ARHGAP24: variants seen among roughly 807,000 people sequenced by gnomAD.
ARHGAP24 encodes the protein Rho GTPase activating protein 24.
ARHGAP24 carries 50 observed loss-of-function variants against 76.4 expected under a neutral mutation model. The ratio of observed to expected loss-of-function variants is 0.65; its 90% CI spans 0.52 to 0.83. The LOEUF (loss-of-function observed/expected upper bound fraction) is 0.83, where lower values mean the gene tolerates loss of function less well. ARHGAP24 is among the 40% of genes least tolerant of loss of function. The pLI is 0.00. For synonymous variants in ARHGAP24, 345 were observed against 323.3 expected, an observed-to-expected ratio of 1.07 and a Z score of -0.72; for missense variants, 930 against 914.2, an observed-to-expected ratio of 1.02 and a Z score of -0.22.
chr4:85,661,695 G>A (rs562430083), intron 2 of ARHGAP24, among the ~76,000 whole-genome samples: 1 of 151,204 alleles, frequency 6.6e-6, no homozygotes, highest in Admixed American at 6.6e-5. Context: ...AGTCCCCAGA[G>A]TGTGATGTTC....
At chr4:85,980,772 G>T (rs13116843) in intron 8 of ARHGAP24, among the ~76,000 whole-genome samples, 31,828 of 152,038 alleles carry the variant, frequency 0.21, 3,596 homozygotes, top group South Asian at 0.39. Flanking sequence ...CATTCAGGAG[G>T]TCCATGGCCT....
At chr4:85,854,542 C>T (rs1380080509) in intron 3 of ARHGAP24, among the ~76,000 whole-genome samples, 2 of 152,170 alleles carry the variant, frequency 1.3e-5, no homozygotes, top group Non-Finnish European at 2.9e-5. Flanking sequence ...ACATTATCTC[C>T]AAATCTCAAA....
chr4:85,966,543 A>C (rs1361915457), intron 5 of ARHGAP24, among the ~76,000 whole-genome samples: 1 of 152,150 alleles, frequency 6.6e-6, no homozygotes, highest in East Asian at 1.9e-4. Context: ...CAGATACATA[A>C]AAAAATAAGT....
intron 2 of ARHGAP24, among the ~76,000 whole-genome samples, chr4:85,591,341 C>T (rs1340829853): frequency 6.6e-6 from 1 of 152,128 alleles, no homozygotes; most frequent in Non-Finnish European, 1.5e-5. Flanking sequence ...CCACCATGCC[C>T]GACTAGATCT....
intron 4 of ARHGAP24, among the ~76,000 whole-genome samples, chr4:85,940,588 T>A (rs1197934438): frequency 1.3e-5 from 2 of 152,030 alleles, no homozygotes; most frequent in Non-Finnish European, 2.9e-5. Context: ...GGGGTGTGAG[T>A]GTCTGTTGGA....
At chr4:85,619,866 T>C (rs901073701) in intron 2 of ARHGAP24, among the ~76,000 whole-genome samples, 1 of 151,990 alleles carries the variant, frequency 6.6e-6, no homozygotes, top group African/African-American at 2.4e-5. Flanking sequence ...GTTTTTATTA[T>C]CATGAAATGA....
intron 2 of ARHGAP24, among the ~76,000 whole-genome samples, chr4:85,687,925 C>T (rs1723488710): frequency 6.6e-6 from 1 of 152,104 alleles, no homozygotes. Flanking sequence ...GATTCTCCTG[C>T]CTCAGCCTCC....
chr4:85,666,927 G>C (rs1722643903), intron 2 of ARHGAP24, among the ~76,000 whole-genome samples: 2 of 152,198 alleles, frequency 1.3e-5, no homozygotes, highest in South Asian at 4.1e-4. Flanking sequence ...CTCCCAGTTA[G>C]GCTCCTCAGG....
At chr4:85,583,052 C>G (rs1173353084) in intron 2 of ARHGAP24, among the ~76,000 whole-genome samples, 1 of 152,004 alleles carries the variant, frequency 6.6e-6, no homozygotes, top group East Asian at 1.9e-4. Flanking sequence ...TTCTAGCTTT[C>G]CTGTTTTGAT....
Position 85,974,936 on chromosome 4 carries a change from T to C in ARHGAP24, c.781T>C (p.Tyr261His). ...GGTGAAGAGTTTGCCAGTGGTAAAT[T>C]ACAACCTCCTCAAGTATATTTGCAG... The part of the protein sequence containing the change: ...KQVKSLPVVN[Y>H]NLLKYICRFL... The change falls in exon 7 of 10, where the codon TAC becomes CAC. Residue 261 changes from tyrosine (Y) to histidine (H), a missense_variant. Coordinates refer to ENST00000395184, the MANE Select transcript of ARHGAP24 (RefSeq NM_001025616.3). 6.2e-7 allele frequency: 1 copy of C among 1,613,874 alleles called. No individual in the cohort carries two copies.
At chr4:85,990,293 A>G (rs566223827) in intron 8 of ARHGAP24, 2 of 151,840 alleles carry the variant, frequency 1.3e-5, no homozygotes, top group East Asian at 3.9e-4. Flanking sequence ...AGAACTACAT[A>G]AATGTGGAAA....
chr4:85,686,651 A>G (rs1723432668), intron 2 of ARHGAP24: 1 of 152,210 alleles, frequency 6.6e-6, no homozygotes, highest in Non-Finnish European at 1.5e-5. Flanking sequence ...AAGGCCCTGC[A>G]TACATTAAAC....
chr4:85,794,454 C>A (rs1728259318), intron 3 of ARHGAP24, among the ~76,000 whole-genome samples: 1 of 152,056 alleles, frequency 6.6e-6, no homozygotes, highest in African/African-American at 2.4e-5. Flanking sequence ...TTTTAAATAT[C>A]CTTTCATCTT....
At chr4:85,482,282 A>G (rs1578177100) in intron 1 of ARHGAP24, among the ~76,000 whole-genome samples, 2 of 152,232 alleles carry the variant, frequency 1.3e-5, no homozygotes, top group African/African-American at 4.8e-5. Flanking sequence ...AACATCATAT[A>G]TGTGTTATAC....
chr4:85,572,556 G>GT (rs1553915414), intron 2 of ARHGAP24, among the ~76,000 whole-genome samples: 2 of 152,030 alleles, frequency 1.3e-5, no homozygotes, highest in Non-Finnish European at 2.9e-5. Context: ...ATTTTAAAAT[G>GT]TAAAAACTCC....
intron 3 of ARHGAP24, among the ~76,000 whole-genome samples, chr4:85,749,027 G>A (rs1378397226): frequency 6.6e-6 from 1 of 152,128 alleles, no homozygotes; most frequent in African/African-American, 2.4e-5. Flanking sequence ...AGGCATACCG[G>A]ATGGCTTTTT....
At chr4:85,827,943 G>A (rs1364343621) in intron 3 of ARHGAP24, 8 of 1,289,754 alleles carry the variant, frequency 6.2e-6, no homozygotes, top group South Asian at 1.2e-5. Context: ...GCCTGCATTT[G>A]TCACTGACCA....
At chr4:85,544,500 A>T (rs548522854) in intron 1 of ARHGAP24, among the ~76,000 whole-genome samples, 1 of 152,270 alleles carries the variant, frequency 6.6e-6, no homozygotes, top group African/African-American at 2.4e-5. Flanking sequence ...AAACTTCAGC[A>T]TCTAGATCAA....
At chr4:85,791,122 A>T (rs1728099479) in intron 3 of ARHGAP24, among the ~76,000 whole-genome samples, 1 of 152,202 alleles carries the variant, frequency 6.6e-6, no homozygotes, top group Non-Finnish European at 1.5e-5. Flanking sequence ...AAACAAAGAA[A>T]TAAAGAATCA....
Sources: gnomAD v4.1 joint callset for allele counts (sites outside exome capture counted in the v4.1 genomes callset) on GRCh38, gnomAD v4.1.1 for gene constraint, MANE v1.5 for transcripts, NCBI Gene and HGNC (gene_info 2026-07-23, HGNC 2026-07-21) for gene names.